TBC1D32: variants seen among roughly 807,000 people sequenced by gnomAD.
TBC1D32 encodes protein broad-minded.
A neutral mutation model predicts 170.3 loss-of-function variants in TBC1D32; 151 were observed. That is an observed-to-expected ratio of 0.89 (90% confidence interval 0.78 to 1.01). The LOEUF (loss-of-function observed/expected upper bound fraction) is 1.01, where lower values mean the gene tolerates loss of function less well. Among genes scored for constraint, TBC1D32 ranks in the 50% least tolerant of loss-of-function variants. The pLI is 0.00. For missense variants in TBC1D32, 1,464 were observed against 1,457.1 expected, an observed-to-expected ratio of 1.00 and a Z score of -0.08; for synonymous variants, 498 against 488.0, an observed-to-expected ratio of 1.02 and a Z score of -0.27.
chr6:121,180,942 AT>A (rs1324952880), intron 22 of TBC1D32, among the ~76,000 whole-genome samples: 2 of 152,160 alleles, frequency 1.3e-5, no homozygotes, highest in Non-Finnish European at 2.9e-5. Context: ...ATAAACAGGT[AT>A]TTCTCAAAAG....
At chr6:121,085,355 A>C in intron 31 of TBC1D32, among the ~76,000 whole-genome samples, 1 of 112,506 alleles carries the variant, frequency 8.9e-6, no homozygotes, top group Non-Finnish European at 1.6e-5. Context: ...ACATACATAT[A>C]TATACATATA....
chr6:121,230,092 C>A (rs1378298893), intron 20 of TBC1D32, among the ~76,000 whole-genome samples: 2 of 152,006 alleles, frequency 1.3e-5, no homozygotes, highest in Non-Finnish European at 2.9e-5. Context: ...TACCCAGTCT[C>A]GGGTAGTTCT....
intron 20 of TBC1D32, among the ~76,000 whole-genome samples, chr6:121,232,817 A>G (rs1795909779): frequency 6.6e-6 from 1 of 151,868 alleles, no homozygotes; most frequent in South Asian, 2.1e-4. Context: ...ATTTGATTGT[A>G]TATTTGTGCT....
chr6:121,260,046 G>C (rs1660977787), intron 15 of TBC1D32, among the ~76,000 whole-genome samples: 3 of 152,118 alleles, frequency 2.0e-5, no homozygotes, highest in Non-Finnish European at 4.4e-5. Flanking sequence ...GCAGCTAACA[G>C]TAAGAGGTTT....
chr6:121,179,695 T>A (rs1401745566), intron 22 of TBC1D32, among the ~76,000 whole-genome samples: 9 of 152,160 alleles, frequency 5.9e-5, no homozygotes, highest in African/African-American at 2.2e-4. Flanking sequence ...TGTAACAATT[T>A]AATCAAAACT....
intron 26 of TBC1D32, among the ~76,000 whole-genome samples, chr6:121,121,767 C>T (rs1407845401): frequency 2.0e-5 from 3 of 151,818 alleles, no homozygotes; most frequent in African/African-American, 4.8e-5. Flanking sequence ...CGTTATTGTT[C>T]TAGGTGCAGA....
chr6:121,126,052 AT>A (rs1313342690), intron 26 of TBC1D32, among the ~76,000 whole-genome samples: 1 of 152,232 alleles, frequency 6.6e-6, no homozygotes, highest in Non-Finnish European at 1.5e-5. Context: ...TCATCAATAT[AT>A]GAGAGATAGG....
At chr6:121,290,546 T>C (rs578235934) in intron 12 of TBC1D32, among the ~76,000 whole-genome samples, 10 of 152,232 alleles carry the variant, frequency 6.6e-5, no homozygotes, top group East Asian at 1.9e-4. Context: ...TTTTACACTG[T>C]TGGTGGGACT....
intron 17 of TBC1D32, among the ~76,000 whole-genome samples, chr6:121,244,799 G>A (rs1361590871): frequency 6.6e-6 from 1 of 152,130 alleles, no homozygotes; most frequent in African/African-American, 2.4e-5. Context: ...TGTGGGAGAG[G>A]TCTTTCTGGA....
At chr6:121,299,631 A>G (rs2128473401) in intron 9 of TBC1D32, 126 bp from the exon 10 acceptor site, 1 of 895,402 alleles carries the variant, frequency 1.1e-6, no homozygotes, top group Non-Finnish European at 1.6e-6. Flanking sequence ...CTTATAGTCA[A>G]TGACAGACAG....
intron 22 of TBC1D32, among the ~76,000 whole-genome samples, chr6:121,172,907 TC>T (rs1423792662): frequency 2.6e-5 from 4 of 152,212 alleles, no homozygotes; most frequent in African/African-American, 7.2e-5. Context: ...GTAATTATAA[TC>T]TTTTTGTTGC....
At position 121,160,048 on chromosome 6, in the gene TBC1D32, T is replaced by TAGC. The variant is rs763171351; in HGVS notation, c.2732_2734dup (p.Cys911dup). 6.2e-7 allele frequency: 1 copy of TAGC among 1,609,084 alleles called. No homozygotes were observed. The highest frequency in any genetic ancestry group is 8.5e-7 in the Non-Finnish European group (1 of 1,176,280). On this transcript the variant is annotated inframe_insertion, in exon 24 of 32. Transcript: ENST00000398212. ...AGCATTTCTTGTAATGTCTGACAGATAGCAGTTTGGCAATGGATATGATGA... is the reference window on the plus strand; with the variant it reads ...AGCATTTCTTGTAATGTCTGACAGATAGCAGCAGTTTGGCAATGGATATGATGA...
chr6:121,218,849 C>T (rs567029209), intron 21 of TBC1D32, among the ~76,000 whole-genome samples: 1 of 152,040 alleles, frequency 6.6e-6, no homozygotes, highest in South Asian at 2.1e-4. Context: ...GGGATTTTTC[C>T]CCCTTTGCTC....
chr6:121,087,397 C>T (rs1776365993), intron 31 of TBC1D32, among the ~76,000 whole-genome samples: 1 of 152,174 alleles, frequency 6.6e-6, no homozygotes, highest in East Asian at 1.9e-4. Context: ...GGCAATAAGT[C>T]TATATCCTCA....
chr6:121,150,063 G>A (rs1784013819), intron 24 of TBC1D32, among the ~76,000 whole-genome samples: 1 of 152,156 alleles, frequency 6.6e-6, no homozygotes, highest in Admixed American at 6.5e-5. Flanking sequence ...GAATAGGATT[G>A]GTGAGAGAGG....
chr6:121,093,163 T>G (rs1049756392), intron 30 of TBC1D32, among the ~76,000 whole-genome samples: 4 of 152,158 alleles, frequency 2.6e-5, no homozygotes, highest in Admixed American at 2.6e-4. Flanking sequence ...TACTGTTTAC[T>G]TGGAATTAAT....
At chr6:121,085,575 T>A (rs1429637173) in intron 31 of TBC1D32, among the ~76,000 whole-genome samples, 1 of 151,812 alleles carries the variant, frequency 6.6e-6, no homozygotes, top group Non-Finnish European at 1.5e-5. Context: ...GTCACAGTTT[T>A]ATGTATTTTA....
intron 20 of TBC1D32, among the ~76,000 whole-genome samples, chr6:121,225,560 T>G (rs1794963829): frequency 6.6e-6 from 1 of 152,062 alleles, no homozygotes; most frequent in Admixed American, 6.6e-5. Context: ...ATTCAATTGA[T>G]GATTATGGAA....
intron 8 of TBC1D32, 52 bp from the exon 9 acceptor site, chr6:121,303,813 T>C (rs777130515): frequency 1.6e-6 from 2 of 1,223,952 alleles, no homozygotes; most frequent in Non-Finnish European, 2.2e-6. Flanking sequence ...TCTGGTGGTA[T>C]ACTTTATATT....
Sources: allele counts gnomAD v4.1 joint callset (sites outside exome capture counted in the v4.1 genomes callset), GRCh38; gene constraint gnomAD v4.1.1; transcripts MANE v1.5; gene names NCBI Gene and HGNC (gene_info 2026-07-23, HGNC 2026-07-21).